Variants in GNB4 observed in about 807,000 individuals in gnomAD.
GNB4 encodes G protein subunit beta 4, also known as guanine nucleotide-binding protein subunit beta-4.
Under a neutral mutation model 45.2 loss-of-function variants are expected in GNB4, and 28 were observed. The observed-to-expected ratio is 0.62, with a 90% CI of 0.46 to 0.85. GNB4 has a LOEUF of 0.85. Ranked by LOEUF, GNB4 falls within the 40% of genes least tolerant of loss-of-function variation. The pLI is 0.00. For missense variants in GNB4, 321 were observed against 425.4 expected (o/e 0.75, Z 2.16); for synonymous variants, 132 against 143.7 (o/e 0.92, Z 0.58).
chr3:179,503,517 C>T, the GNB4 span, among the ~76,000 whole-genome samples: 3 of 152,186 alleles, frequency 2.0e-5, no homozygotes, highest in Non-Finnish European at 4.4e-5. Context: ...AATAGCTGGT[C>T]GTTATGTCCA....
At chr3:179,520,578 T>G in the GNB4 span, among the ~76,000 whole-genome samples, 2 of 152,226 alleles carry the variant, frequency 1.3e-5, no homozygotes, top group Admixed American at 1.3e-4. Context: ...CTCTCTACAG[T>G]TCTCATAACT....
At chr3:179,421,873 T>C (rs1577032219) in intron 2 of GNB4, among the ~76,000 whole-genome samples, 1 of 152,362 alleles carries the variant, frequency 6.6e-6, no homozygotes, top group East Asian at 1.9e-4. Flanking sequence ...TAAGGAATAA[T>C]GTAGCCCACT....
At chr3:179,461,696 C>A in the GNB4 span, among the ~76,000 whole-genome samples, 47 of 152,314 alleles carry the variant, frequency 3.1e-4, no homozygotes, top group African/African-American at 1.1e-3. Context: ...TCCTTCTACA[C>A]TAACTAAAAA....
At position 179,405,180 on chromosome 3, in the gene GNB4, A is replaced by G. The variant is rs371633908; in HGVS notation, c.916+10T>C. On this transcript the variant is annotated intron_variant, in intron 9 of 9. Transcript: ENST00000232564. ...GAAAATCAGAACCTAATGTGGACTT[A>G]TTTACTAACCTGCACGATCTCCTTT... 6.2e-7 allele frequency: 1 copy of G among 1,605,220 alleles called. No individual in the cohort carries two copies. The highest frequency in any genetic ancestry group is 1.3e-5 in the African/African-American group (1 of 74,640).
chr3:179,422,352 C>T (rs192833534), intron 2 of GNB4, among the ~76,000 whole-genome samples: 84 of 151,918 alleles, frequency 5.5e-4, no homozygotes, highest in Admixed American at 2.2e-3. Flanking sequence ...TAAGGCCAGG[C>T]GTGATGGCTC....
At chr3:179,509,772 G>A in the GNB4 span, among the ~76,000 whole-genome samples, 1 of 150,190 alleles carries the variant, frequency 6.7e-6, no homozygotes, top group Non-Finnish European at 1.5e-5. Context: ...ATGTGTTTTT[G>A]TACCACTTGG....
the GNB4 span, among the ~76,000 whole-genome samples, chr3:179,463,809 C>T: frequency 6.6e-6 from 1 of 152,144 alleles, no homozygotes; most frequent in Non-Finnish European, 1.5e-5. Context: ...CTCTTTCAGC[C>T]CTTCATAGAG....
intron 9 of GNB4, among the ~76,000 whole-genome samples, chr3:179,404,539 G>A (rs1331196466): frequency 1.3e-5 from 2 of 152,110 alleles, no homozygotes; most frequent in Non-Finnish European, 2.9e-5. Context: ...AAAACAAAGG[G>A]GGCGGGGAGA....
chr3:179,470,214 T>G, the GNB4 span, among the ~76,000 whole-genome samples: 1 of 152,212 alleles, frequency 6.6e-6, no homozygotes, highest in African/African-American at 2.4e-5. Context: ...TAGAGTATAC[T>G]CCTACAACTT....
the GNB4 span, among the ~76,000 whole-genome samples, chr3:179,470,658 C>T: frequency 1.3e-5 from 2 of 151,808 alleles, no homozygotes; most frequent in Admixed American, 1.3e-4. Context: ...AATTCTCCTG[C>T]CTCAACCTCC....
At chr3:179,443,364 C>A (rs1188084583) in intron 1 of GNB4, among the ~76,000 whole-genome samples, 2 of 152,058 alleles carry the variant, frequency 1.3e-5, no homozygotes, top group East Asian at 1.9e-4. Flanking sequence ...CATGGTGAAA[C>A]CCCATCTCTA....
At chr3:179,503,202 T>C in the GNB4 span, among the ~76,000 whole-genome samples, 1 of 152,194 alleles carries the variant, frequency 6.6e-6, no homozygotes, top group Non-Finnish European at 1.5e-5. Flanking sequence ...CCCATAAATA[T>C]TGAACAAAGA....
chr3:179,506,489 A>G, the GNB4 span, among the ~76,000 whole-genome samples: 2 of 152,238 alleles, frequency 1.3e-5, no homozygotes, highest in Admixed American at 1.3e-4. Context: ...TAAAAAATAC[A>G]AACAAAAGGG....
At chr3:179,493,932 G>A in the GNB4 span, among the ~76,000 whole-genome samples, 5 of 152,250 alleles carry the variant, frequency 3.3e-5, no homozygotes, top group East Asian at 7.7e-4. Context: ...CCTACAAGAG[G>A]TCCAAGTAAT....
At chr3:179,409,102 G>C (rs1056159174) in intron 8 of GNB4, among the ~76,000 whole-genome samples, 1 of 147,264 alleles carries the variant, frequency 6.8e-6, no homozygotes. Context: ...CTGCACTCCA[G>C]CCTGGGTGAC....
chr3:179,498,745 T>C, the GNB4 span, among the ~76,000 whole-genome samples: 42,611 of 127,536 alleles, frequency 0.33, 7,085 homozygotes, highest in East Asian at 0.48. Flanking sequence ...TTGGTTGAGG[T>C]TTGGTTTTTT....
At chr3:179,423,995 G>A (rs1189043287) in intron 2 of GNB4, among the ~76,000 whole-genome samples, 2 of 152,046 alleles carry the variant, frequency 1.3e-5, no homozygotes, top group South Asian at 2.1e-4. Flanking sequence ...GAAAGGAGAT[G>A]AGAAAGAGTA....
the GNB4 span, among the ~76,000 whole-genome samples, chr3:179,504,492 C>T: frequency 7.0e-4 from 107 of 152,268 alleles, no homozygotes; most frequent in African/African-American, 2.4e-3. Context: ...GGATAAGAAT[C>T]ACTTTTGGAA....
At chr3:179,464,580 T>C in the GNB4 span, 1 of 1,475,454 alleles carries the variant, frequency 6.8e-7, no homozygotes, top group East Asian at 2.3e-5. Flanking sequence ...TGGCGAGAGT[T>C]CTGCAAGTCA....
Sources: gnomAD v4.1 joint callset for allele counts (sites outside exome capture counted in the v4.1 genomes callset) on GRCh38, gnomAD v4.1.1 for gene constraint, MANE v1.5 for transcripts, NCBI Gene and HGNC (gene_info 2026-07-23, HGNC 2026-07-21) for gene names.